The following TMEM38A variants were observed in gnomAD, a reference collection of about 807,000 sequenced individuals.
TMEM38A encodes trimeric intracellular cation channel type A.
TMEM38A carries 17 observed loss-of-function variants against 28.6 expected under a neutral mutation model. The ratio of observed to expected loss-of-function variants is 0.60; its 90% CI spans 0.41 to 0.89. TMEM38A has a LOEUF of 0.89. Ranked by LOEUF, TMEM38A falls within the 40% of genes least tolerant of loss-of-function variation. TMEM38A has a pLI of 0.00. For missense variants in TMEM38A, 328 were observed against 393.1 expected (o/e 0.83, Z 1.40); for synonymous variants, 169 against 166.1 (o/e 1.02, Z -0.14).
At chr19:16,667,277 A>AC in intron 1 of TMEM38A, among the ~76,000 whole-genome samples, 1 of 130,052 alleles carries the variant, frequency 7.7e-6, no homozygotes, top group East Asian at 2.2e-4. Flanking sequence ...ACTCCATTTC[A>AC]GGAAAAAAAA....
intron 5 of TMEM38A, among the ~76,000 whole-genome samples, 172 bp from the exon 6 acceptor site, chr19:16,687,972 C>A (rs567321285): frequency 6.6e-6 from 1 of 152,200 alleles, no homozygotes; most frequent in South Asian, 2.1e-4. Flanking sequence ...CTGAGATGGT[C>A]GCCCATCATC....
intron 1 of TMEM38A, among the ~76,000 whole-genome samples, chr19:16,663,597 C>G (rs1432417891): frequency 6.6e-6 from 1 of 151,286 alleles, no homozygotes; most frequent in Non-Finnish European, 1.5e-5. Flanking sequence ...GGCGCCGCCT[C>G]TGCTCACTGC....
chr19:16,666,002 G>T (rs1343473791), intron 1 of TMEM38A, among the ~76,000 whole-genome samples: 2 of 151,318 alleles, frequency 1.3e-5, no homozygotes, highest in African/African-American at 4.9e-5. Flanking sequence ...TGTTTTTGGA[G>T]ACGGAGTCTT....
chr19:16,676,880 C>T (rs1023548902), intron 1 of TMEM38A, among the ~76,000 whole-genome samples: 30 of 150,608 alleles, frequency 2.0e-4, no homozygotes, highest in Non-Finnish European at 4.3e-4. Flanking sequence ...CTTGACTCAG[C>T]CTCCCGAGTA....
Position 16,688,205 on chromosome 19 carries a change from G to T in TMEM38A, c.734G>T (p.Cys245Phe). 1 of 1,561,074 alleles carries T rather than the reference G, an allele frequency of 6.4e-7. No individual in the cohort carries two copies. The highest frequency in any genetic ancestry group is 8.7e-7 in the Non-Finnish European group (1 of 1,151,456). Residue 245 changes from cysteine to phenylalanine, a missense_variant, in exon 6 of 6, where the codon TGC (cysteine) becomes TTC (phenylalanine). By Grantham distance (205) the Cys-to-Phe change is radical (BLOSUM62 -2). Transcript: ENST00000187762. ...TTTGATGCCCTGGAGGGCTACATCT[G>T]CCCCGTGCTGTTTGGTTCGGCCTGC... is the stretch of plus-strand genomic sequence containing the variant. Reference protein sequence around the residue: ...SPFDALEGYICPVLFGSACGG... With the variant: ...SPFDALEGYIFPVLFGSACGG...
intron 1 of TMEM38A, among the ~76,000 whole-genome samples, chr19:16,678,705 C>A (rs1357013334): frequency 1.5e-5 from 2 of 133,244 alleles, no homozygotes; most frequent in Admixed American, 1.8e-4. Context: ...GTCAAGGCTG[C>A]AGTGAGTCGT....
Position 16,688,600 on chromosome 19 carries a change from G to A in TMEM38A, c.*229G>A, listed in dbSNP as rs2086812256. ...TTTCTCTCTGCCAGGACCCCATAGA[G>A]TCACAGCTTTTGGAGGGGTTCACAG... is the stretch of plus-strand genomic sequence containing the variant. On this transcript the variant is annotated 3_prime_UTR_variant, in exon 6 of 6. Coordinates refer to ENST00000187762, the MANE Select transcript of TMEM38A (RefSeq NM_024074.4). The A allele has an allele frequency of 2.6e-6, 1 of 380,032 alleles. No individual in the cohort carries two copies. The highest frequency in any genetic ancestry group is 4.7e-6 in the Non-Finnish European group (1 of 214,378). 23.5% of individuals were successfully genotyped at this position (380,032 alleles called of 1,614,324 possible).
intron 5 of TMEM38A, among the ~76,000 whole-genome samples, chr19:16,687,898 A>G (rs529771428): frequency 6.0e-4 from 92 of 152,288 alleles, no homozygotes; most frequent in African/African-American, 1.6e-3. Context: ...ATGGGTGACC[A>G]GCAGTCTCAG....
At chr19:16,676,605 T>A (rs2086752563) in intron 1 of TMEM38A, among the ~76,000 whole-genome samples, 1 of 152,028 alleles carries the variant, frequency 6.6e-6, no homozygotes, top group African/African-American at 2.4e-5. Flanking sequence ...AAGTTCTAAC[T>A]CCAAGGTGTG....
At chr19:16,679,179 A>AC (rs2086766680) in intron 1 of TMEM38A, among the ~76,000 whole-genome samples, 1 of 127,000 alleles carries the variant, frequency 7.9e-6, no homozygotes, top group Non-Finnish European at 1.5e-5. Context: ...AAAAAAAAAA[A>AC]AAAAAGAATA....
chr19:16,680,379 C>T lies in TMEM38A; in HGVS notation c.282-18C>T, dbSNP rs2086776336. The T allele has an allele frequency of 1.2e-6, 2 of 1,613,518 alleles. No individual in the cohort carries two copies. Among genetic ancestry groups the T allele is most frequent in the East Asian group, 2.2e-5 (1 of 44,860 alleles). Reference sequence around the variant, plus strand: ...CAGTCTGCCCATCCCCTGGCACTCACTGTTCTCTCCCCAAAAGGTACTTGA... The same window carrying T: ...CAGTCTGCCCATCCCCTGGCACTCATTGTTCTCTCCCCAAAAGGTACTTGA... On this transcript the variant is annotated intron_variant, in intron 2 of 5. Transcript: ENST00000187762.
chr19:16,663,538 T>TC (rs1296786287), intron 1 of TMEM38A, among the ~76,000 whole-genome samples: 2 of 151,590 alleles, frequency 1.3e-5, no homozygotes, highest in Non-Finnish European at 2.9e-5. Flanking sequence ...TCTTTTCTTT[T>TC]TTTTTTTTGA....
At chr19:16,675,383 A>G (rs1287409446) in intron 1 of TMEM38A, among the ~76,000 whole-genome samples, 1 of 151,604 alleles carries the variant, frequency 6.6e-6, no homozygotes, top group Non-Finnish European at 1.5e-5. Context: ...ACCTGCCATC[A>G]CGCCCAGCTA....
rs781516514 is a variant in TMEM38A, at chr19:16,675,693, C to T, written c.125-4291C>T. 5.9e-5 allele frequency among the ~76,000 whole-genome samples: 9 copies of T among 151,856 alleles called. No individual in the cohort carries two copies. In the South Asian group the frequency reaches 1.0e-3, roughly 18 times the overall value. On this transcript the variant is annotated intron_variant, in intron 1 of 5. Transcript: ENST00000187762. ...CCTCCCTAGTAGCTGGGACTACAGG[C>T]GCCTCCCGCAACGCCCAGCTAATTT... is the stretch of plus-strand genomic sequence containing the variant.
At chr19:16,670,283 T>C (rs539641212) in intron 1 of TMEM38A, among the ~76,000 whole-genome samples, 1 of 150,344 alleles carries the variant, frequency 6.7e-6, no homozygotes, top group South Asian at 2.1e-4. Flanking sequence ...TTTGTTTTTT[T>C]TTTTTTTTGA....
At chr19:16,686,111 C>T (rs150643636) in intron 4 of TMEM38A, among the ~76,000 whole-genome samples, 177 bp from the exon 5 acceptor site, 417 of 152,134 alleles carry the variant, frequency 2.7e-3, no homozygotes, top group South Asian at 0.017. Flanking sequence ...TGCAGTGAGC[C>T]GAGGTTGTGC....
intron 1 of TMEM38A, among the ~76,000 whole-genome samples, chr19:16,679,307 GT>G (rs1355867766): frequency 4.9e-5 from 7 of 143,954 alleles, no homozygotes; most frequent in African/African-American, 1.9e-4. Flanking sequence ...GTATGTGTGT[GT>G]TTTAGATGGA....
chr19:16,664,880 A>T (rs894862033), intron 1 of TMEM38A, among the ~76,000 whole-genome samples: 1 of 151,866 alleles, frequency 6.6e-6, no homozygotes, highest in Non-Finnish European at 1.5e-5. Flanking sequence ...TAATAATAAA[A>T]AAAGAATGTC....
intron 2 of TMEM38A, 43 bp downstream of exon 2, chr19:16,680,183 A>G (rs2086775533): frequency 6.3e-7 from 1 of 1,593,174 alleles, no homozygotes; most frequent in Admixed American, 1.7e-5. Flanking sequence ...GGGTGGGGGA[A>G]ACAACAACCT....
Sources: gnomAD v4.1 joint callset for allele counts (sites outside exome capture counted in the v4.1 genomes callset) on GRCh38, gnomAD v4.1.1 for gene constraint, MANE v1.5 for transcripts, NCBI Gene and HGNC (gene_info 2026-07-23, HGNC 2026-07-21) for gene names.